CPLANE1: variants seen among roughly 807,000 people sequenced by gnomAD.
The protein encoded by CPLANE1 is ciliogenesis and planar polarity effector 1.
A neutral mutation model predicts 362.5 loss-of-function variants in CPLANE1; 263 were observed. The observed-to-expected ratio is 0.73, with a 90% CI of 0.66 to 0.80. The LOEUF is 0.80. Among genes scored for constraint, CPLANE1 ranks in the 30% least tolerant of loss-of-function variants. CPLANE1 has a pLI of 0.00. For synonymous variants in CPLANE1, 1,212 were observed against 1,302.6 expected (o/e 0.93, Z 1.50); for missense variants, 3,461 against 3,793.4 (o/e 0.91, Z 2.30).
intron 13 of CPLANE1, 76 bp from the exon 14 acceptor site, chr5:37,224,409 A>C: frequency 7.7e-7 from 1 of 1,298,094 alleles, no homozygotes; most frequent in South Asian, 1.4e-5. Flanking sequence ...TTTAAAATCC[A>C]GTTAATGGAG....
At chr5:37,192,983 A>G (rs568955830) in intron 21 of CPLANE1, among the ~76,000 whole-genome samples, 1 of 151,184 alleles carries the variant, frequency 6.6e-6, no homozygotes, top group Admixed American at 6.6e-5. Flanking sequence ...CCTGACCAAC[A>G]CGGTGAAACC....
At position 37,108,331 on chromosome 5, in the gene CPLANE1, G is replaced by A. The variant is rs748587449; in HGVS notation, c.9541C>T (p.His3181Tyr). 6.2e-7 allele frequency: 1 copy of A among 1,614,122 alleles called. No individual in the cohort carries two copies. Among genetic ancestry groups the A allele is most frequent in the Non-Finnish European group, 8.5e-7 (1 of 1,180,006 alleles). ...TTGTGACTCTCATGAAGAATCTTAT[G>A]GATTTCTGAAGGTATCGTCCAGGGA... is the stretch of plus-strand genomic sequence containing the variant. Reference protein sequence around the residue: ...VSPWTIPSEIHKILHESHNSL... With the variant: ...VSPWTIPSEIYKILHESHNSL... The change falls in exon 52 of 53, where the codon CAT becomes TAT. Residue 3181 changes from histidine (H) to tyrosine (Y), a missense_variant. By Grantham distance (83) the His-to-Tyr change is moderately conservative. Coordinates refer to ENST00000651892, the MANE Select transcript of CPLANE1 (RefSeq NM_001384732.1).
intron 30 of CPLANE1, among the ~76,000 whole-genome samples, chr5:37,177,341 C>T (rs2151061014): frequency 6.6e-6 from 1 of 152,254 alleles, no homozygotes; most frequent in Admixed American, 6.5e-5. Context: ...TACTTAGCAG[C>T]TAAATAAGCT....
At chr5:37,207,936 T>G (rs1172252448) in intron 16 of CPLANE1, among the ~76,000 whole-genome samples, 1 of 151,926 alleles carries the variant, frequency 6.6e-6, no homozygotes, top group Non-Finnish European at 1.5e-5. Context: ...GGTTTTTTTG[T>G]TGTTGTTGTT....
intron 6 of CPLANE1, among the ~76,000 whole-genome samples, chr5:37,241,827 G>A (rs1800581725): frequency 2.0e-5 from 3 of 151,758 alleles, no homozygotes; most frequent in Admixed American, 2.0e-4. Context: ...ATGGGATTTT[G>A]CCATGTTGTC....
intron 34 of CPLANE1, among the ~76,000 whole-genome samples, chr5:37,167,439 A>G (rs1405444346): frequency 1.3e-5 from 2 of 152,224 alleles, no homozygotes; most frequent in Non-Finnish European, 2.9e-5. Flanking sequence ...TATTTCAGAA[A>G]TTAAGCTAGA....
In CPLANE1 at chr5:37,226,580, A is replaced by G. The variant is rs951749046; in HGVS notation, c.2015T>C (p.Leu672Pro). 6.4e-7 allele frequency: 1 copy of G among 1,550,750 alleles called. No individual in the cohort carries two copies. The highest frequency in any genetic ancestry group is 8.7e-7 in the Non-Finnish European group (1 of 1,146,748). ...TAACTGACCCTTTTGTTGCTGAGTC[A>G]GCAAAAGTTTTACAGTATTTGAGGT... ...KLTSNTVKLL[L>P]TQQQKGQLFS... The change falls in exon 12 of 53, where the codon CTG becomes CCG. Residue 672 changes from leucine (L) to proline (P), a missense_variant. Transcript: ENST00000651892.
intron 20 of CPLANE1, among the ~76,000 whole-genome samples, chr5:37,197,110 G>GT (rs34105861): frequency 0.18 from 27,327 of 148,980 alleles, 2,907 homozygotes; most frequent in East Asian, 0.39. Flanking sequence ...AAATTACCTA[G>GT]TTTTTTTTTT....
intron 21 of CPLANE1, among the ~76,000 whole-genome samples, chr5:37,192,853 C>CAA (rs1167999028): frequency 1.2e-3 from 87 of 74,878 alleles, no homozygotes; most frequent in African/African-American, 3.9e-3. Flanking sequence ...TAGACTCCAT[C>CAA]AAAAAAAAAA....
Position 37,142,387 on chromosome 5 carries a change from T to C in CPLANE1, c.8555A>G (p.Gln2852Arg). The C allele has an allele frequency of 6.2e-7, 1 of 1,612,178 alleles. No homozygotes were observed. Among genetic ancestry groups the C allele is most frequent in the Non-Finnish European group, 8.5e-7 (1 of 1,179,278 alleles). ...GGCAGTAGGAAACACACAGGTTTTC[T>C]GACCAGAATAATTTTCTGTTATTGA... Reference protein sequence around the residue: ...EFSITENYSGQKTCVFPTADS... With the variant: ...EFSITENYSGRKTCVFPTADS... Residue 2852 changes from glutamine (Q) to arginine (R), a missense_variant, in exon 44 of 53, where the codon CAG becomes CGG. Gln to Arg is a conservative substitution (Grantham distance 43). Transcript: ENST00000651892.
the CPLANE1 span, among the ~76,000 whole-genome samples, chr5:37,093,597 A>G: frequency 2.0e-5 from 3 of 152,194 alleles, no homozygotes; most frequent in South Asian, 6.2e-4. Context: ...CTCTTTGACT[A>G]GCAGAGAATG....
chr5:37,120,124 G>T, intron 50 of CPLANE1, 92 bp downstream of exon 50: 2 of 1,278,498 alleles, frequency 1.6e-6, no homozygotes, highest in Non-Finnish European at 2.2e-6. Flanking sequence ...TTTTTACTAA[G>T]ACTTATACCT....
chr5:37,158,457 T>C, intron 38 of CPLANE1, 112 bp from the exon 39 acceptor site: 1 of 1,056,406 alleles, frequency 9.5e-7, no homozygotes, highest in Non-Finnish European at 1.3e-6. Context: ...ATTGTACTTC[T>C]TGAAATCTAA....
At chr5:37,134,115 T>G (rs1482004991) in intron 46 of CPLANE1, among the ~76,000 whole-genome samples, 1 of 152,184 alleles carries the variant, frequency 6.6e-6, no homozygotes, top group East Asian at 1.9e-4. Flanking sequence ...TTTCCTTGGG[T>G]CTTCGCCAGG....
chr5:37,160,913 C>T (rs1285440732), intron 38 of CPLANE1, among the ~76,000 whole-genome samples: 1 of 152,016 alleles, frequency 6.6e-6, no homozygotes, highest in Non-Finnish European at 1.5e-5. Flanking sequence ...CCTAGTGATC[C>T]GCCCACCTCA....
At chr5:37,085,864 G>T in the CPLANE1 span, 2 of 1,073,152 alleles carry the variant, frequency 1.9e-6, no homozygotes, top group South Asian at 2.6e-5. Context: ...ATGGTCCCTG[G>T]GTGACGTGTT....
Position 37,198,763 on chromosome 5 carries a change from G to A in CPLANE1, c.3611C>T (p.Ser1204Phe), listed in dbSNP as rs370215852. 3.7e-6 allele frequency: 6 copies of A among 1,613,988 alleles called. No individual in the cohort carries two copies. Among genetic ancestry groups the A allele is most frequent in the Admixed American group, 1.7e-5 (1 of 59,998 alleles). ...TATATACCACTGTGCTACAGGAAAA[G>A]AACACTGAGCCGCCCGGAAAAGCAG... is the stretch of plus-strand genomic sequence containing the variant. ...VLLLFRAAQC[S>F]FPVAQWYILQ... Residue 1204 changes from serine to phenylalanine, a missense_variant, in exon 20 of 53, where the codon TCT (serine) becomes TTT (phenylalanine). Ser to Phe is a radical substitution (Grantham distance 155, BLOSUM62 -2). Coordinates refer to ENST00000651892, the MANE Select transcript of CPLANE1 (RefSeq NM_001384732.1).
At chr5:37,125,144 C>T in intron 47 of CPLANE1, 100 bp downstream of exon 47, 1 of 1,420,604 alleles carries the variant, frequency 7.0e-7, no homozygotes, top group Non-Finnish European at 9.5e-7. Context: ...TGCCAAATTA[C>T]AAATGTATCC....
intron 8 of CPLANE1, among the ~76,000 whole-genome samples, chr5:37,233,277 A>C (rs1798163475): frequency 6.6e-6 from 1 of 151,904 alleles, no homozygotes. Context: ...ACTCTCAGGC[A>C]CTCCTGGGAG....
Sources: gnomAD v4.1 joint callset for allele counts (sites outside exome capture counted in the v4.1 genomes callset) on GRCh38, gnomAD v4.1.1 for gene constraint, MANE v1.5 for transcripts, NCBI Gene and HGNC (gene_info 2026-07-23, HGNC 2026-07-21) for gene names.